SYNRG: variants seen among roughly 807,000 people sequenced by gnomAD.
SYNRG encodes the protein synergin gamma, also known as AP1 gamma subunit binding protein 1.
In SYNRG, 37 loss-of-function variants were observed where a neutral mutation model predicts 130.9. The ratio of observed to expected loss-of-function variants is 0.28; its 90% CI spans 0.22 to 0.37. The LOEUF (loss-of-function observed/expected upper bound fraction) is 0.37, where lower values mean the gene tolerates loss of function less well. Among genes scored for constraint, SYNRG ranks in the 10% least tolerant of loss-of-function variants. The pLI is 1.00. For missense variants in SYNRG, 1,338 were observed against 1,588.9 expected, an observed-to-expected ratio of 0.84 and a Z score of 2.68; for synonymous variants, 539 against 568.1, an observed-to-expected ratio of 0.95 and a Z score of 0.73.
chr17:37,548,541 G>GGT (rs966374501), intron 14 of SYNRG, among the ~76,000 whole-genome samples: 5 of 152,098 alleles, frequency 3.3e-5, no homozygotes, highest in African/African-American at 1.2e-4. Context: ...TTCTAGGCCG[G>GGT]GTGTGGTGGC....
rs140931160 is a variant in SYNRG, at chr17:37,570,720, T to C, written c.1264A>G (p.Met422Val). 58 of 1,614,086 alleles carry C rather than the reference T, an allele frequency of 3.6e-5. No homozygotes were observed. Among genetic ancestry groups the C allele is most frequent in the Non-Finnish European group, 4.7e-5 (56 of 1,180,042 alleles). Residue 422 changes from methionine (M) to valine (V), a missense_variant, in exon 10 of 22, where the codon ATG becomes GTG. Transcript: ENST00000612223. ...SMPLSLGQPV[M>V]GINLVGPVGG... is the part of the protein sequence containing the mutation. Reference sequence around the variant, plus strand: ...ACTGGTCCAACAAGGTTAATGCCCATGACTGGCTGTCCAAGGCTGAGGGGC... The same window carrying C: ...ACTGGTCCAACAAGGTTAATGCCCACGACTGGCTGTCCAAGGCTGAGGGGC...
At position 37,519,151 on chromosome 17, in the gene SYNRG, C is replaced by T. The variant is rs1427873572; in HGVS notation, c.3814-80G>A. On this transcript the variant is annotated intron_variant, in intron 21 of 21. Coordinates refer to ENST00000612223, the MANE Select transcript of SYNRG (RefSeq NM_007247.6). ...GCTTTTCAGCAACCAACATGTACATCTATCTCTCCAGGTCACAGAGGCTGA... is the reference window on the plus strand; with the variant it reads ...GCTTTTCAGCAACCAACATGTACATTTATCTCTCCAGGTCACAGAGGCTGA... The T allele has an allele frequency of 5.1e-6, 8 of 1,563,874 alleles. No individual in the cohort carries two copies. The African/African-American group carries it at 9.5e-5, about 19-fold the overall frequency.
chr17:37,527,238 C>G (rs1485079822), intron 19 of SYNRG, among the ~76,000 whole-genome samples: 1 of 152,132 alleles, frequency 6.6e-6, no homozygotes, highest in Non-Finnish European at 1.5e-5. Flanking sequence ...TTTTATATGG[C>G]AAAAATCGAT....
intron 14 of SYNRG, among the ~76,000 whole-genome samples, chr17:37,547,555 C>T (rs144015411): frequency 2.7e-3 from 414 of 151,896 alleles, no homozygotes; most frequent in African/African-American, 9.6e-3. Context: ...CTCCACCTCA[C>T]AGGTTCAAGC....
intron 3 of SYNRG, among the ~76,000 whole-genome samples, chr17:37,594,921 T>A (rs2062623711): frequency 6.6e-6 from 1 of 152,218 alleles, no homozygotes; most frequent in Non-Finnish European, 1.5e-5. Context: ...ATCACAGGGT[T>A]TGGCCATCTC....
chr17:37,609,057 C>G (rs1163449488), intron 1 of SYNRG, among the ~76,000 whole-genome samples: 1 of 151,428 alleles, frequency 6.6e-6, no homozygotes, highest in Non-Finnish European at 1.5e-5. Flanking sequence ...GCTCCCCGCT[C>G]GATTCCAGGC....
chr17:37,554,187 T>C (rs1324871570), intron 13 of SYNRG, 128 bp from the exon 14 acceptor site: 8 of 778,904 alleles, frequency 1.0e-5, no homozygotes, highest in Non-Finnish European at 1.4e-5. Flanking sequence ...TTAATAATGT[T>C]TACATACTTT....
Position 37,517,224 on chromosome 17 carries a change from CAA to C in SYNRG, c.*1714_*1715del, listed in dbSNP as rs1391632558. 6.6e-6 allele frequency: 1 copy of C among 152,612 alleles called. No homozygotes were observed. Among genetic ancestry groups the C allele is most frequent in the Non-Finnish European group, 1.5e-5 (1 of 68,570 alleles). The allele number at this position is 152,612 out of a possible 1,614,324, so 9.5% of individuals were successfully genotyped here. ...AGTGAAACTCCATCTCAAAAAAAAA[CAA>C]AGAATTTTTAAGGCCAATTAGCAGC... is the stretch of plus-strand genomic sequence containing the variant. On this transcript the variant is annotated 3_prime_UTR_variant, in exon 22 of 22. Transcript: ENST00000612223.
intron 19 of SYNRG, among the ~76,000 whole-genome samples, chr17:37,532,671 CAA>C (rs56982337): frequency 1.7e-3 from 138 of 79,092 alleles, no homozygotes; most frequent in African/African-American, 4.6e-3. Context: ...AGATCTGTCT[CAA>C]AAAAAAAAAA....
In SYNRG at chr17:37,518,769, C is replaced by G; in HGVS notation, c.*171G>C. On this transcript the variant is annotated 3_prime_UTR_variant, in exon 22 of 22. Coordinates refer to ENST00000612223, the MANE Select transcript of SYNRG (RefSeq NM_007247.6). Reference sequence around the variant, plus strand: ...TGCAGTTTGGGTGGGACAATTTTACCTGAAGTCCTGCAGACTGGCCGTGGG... The same window carrying G: ...TGCAGTTTGGGTGGGACAATTTTACGTGAAGTCCTGCAGACTGGCCGTGGG... The G allele has an allele frequency of 1.3e-6, 1 of 776,186 alleles. No individual in the cohort carries two copies. The highest frequency in any genetic ancestry group is 2.0e-6 in the Non-Finnish European group (1 of 509,500). The allele number at this position is 776,186 out of a possible 1,614,324, so 48.1% of individuals were successfully genotyped here.
At chr17:37,599,863 T>C (rs949732810) in intron 2 of SYNRG, among the ~76,000 whole-genome samples, 2 of 152,190 alleles carry the variant, frequency 1.3e-5, no homozygotes, top group African/African-American at 2.4e-5. Context: ...AGATAAAAAA[T>C]AGCAGTGTAA....
rs769372587 is a variant in SYNRG, at chr17:37,579,275, G to A, written c.590-1662C>T. 3 of 1,302,778 alleles carry A rather than the reference G, an allele frequency of 2.3e-6. No homozygotes were observed. The African/African-American group carries it at 4.6e-5, about 20-fold the overall frequency. 80.7% of individuals were successfully genotyped at this position (1,302,778 alleles called of 1,614,324 possible). On this transcript the variant is annotated intron_variant, in intron 6 of 21. Transcript: ENST00000612223. ...CTTCTGTGTATGCAACTGGCCAAGT[G>A]GGGTGGAGGGGTGGAAAGACTGAAA...
In SYNRG at chr17:37,568,872, G is replaced by A. The variant is rs757421105; in HGVS notation, c.1400C>T (p.Ser467Leu). The change falls in exon 11 of 22, where the codon TCA (serine) becomes TTA (leucine). Residue 467 changes from serine to leucine, a missense_variant. By Grantham distance (145) the Ser-to-Leu change is moderately radical. Coordinates refer to ENST00000612223, the MANE Select transcript of SYNRG (RefSeq NM_007247.6). ...ACTGAATGAGTCATCAAGGGATCCT[G>A]ACTTAGAAGCATCTTGAAAATCCTG... is the stretch of plus-strand genomic sequence containing the variant. The part of the protein sequence containing the change: ...DFQDFQDASK[S>L]GSLDDSFSDF... The A allele has an allele frequency of 6.2e-7, 1 of 1,613,940 alleles. No homozygotes were observed. The highest frequency in any genetic ancestry group is 1.7e-5 in the Admixed American group (1 of 60,000).
At chr17:37,546,829 T>G (rs778446907) in intron 14 of SYNRG, among the ~76,000 whole-genome samples, 31 of 152,180 alleles carry the variant, frequency 2.0e-4, no homozygotes, top group Non-Finnish European at 4.3e-4. Flanking sequence ...ATATTTTAAT[T>G]TACAGTACTC....
intron 3 of SYNRG, among the ~76,000 whole-genome samples, chr17:37,586,999 A>C (rs1383306984): frequency 6.6e-6 from 1 of 152,222 alleles, no homozygotes; most frequent in Admixed American, 6.5e-5. Flanking sequence ...TATATATGAG[A>C]GGATAATGAA....
chr17:37,583,887 T>C (rs1466912429), intron 6 of SYNRG, among the ~76,000 whole-genome samples: 2 of 151,784 alleles, frequency 1.3e-5, no homozygotes, highest in East Asian at 3.9e-4. Flanking sequence ...TAGAGACAGG[T>C]TTTCACCATG....
At chr17:37,523,571 G>A (rs1270197076) in intron 19 of SYNRG, among the ~76,000 whole-genome samples, 1 of 152,194 alleles carries the variant, frequency 6.6e-6, no homozygotes, top group African/African-American at 2.4e-5. Flanking sequence ...ACACTAGTGC[G>A]ACAGAATGGA....
chr17:37,569,436 T>G (rs781267598), intron 10 of SYNRG, among the ~76,000 whole-genome samples: 3 of 127,534 alleles, frequency 2.4e-5, no homozygotes, highest in Admixed American at 1.7e-4. Flanking sequence ...AAAGCTAATC[T>G]ATACATTTGT....
intron 6 of SYNRG, among the ~76,000 whole-genome samples, chr17:37,581,251 C>T (rs2061306039): frequency 6.6e-6 from 1 of 151,098 alleles, no homozygotes; most frequent in African/African-American, 2.4e-5. Context: ...ATTGTTGCTT[C>T]TTCACATTTA....
Sources: gnomAD v4.1 joint callset for allele counts (sites outside exome capture counted in the v4.1 genomes callset) on GRCh38, gnomAD v4.1.1 for gene constraint, MANE v1.5 for transcripts, NCBI Gene and HGNC (gene_info 2026-07-23, HGNC 2026-07-21) for gene names.